Variants in FGGY observed in about 807,000 individuals in gnomAD.
The protein encoded by FGGY is FGGY carbohydrate kinase domain-containing protein.
A neutral mutation model predicts 71.3 loss-of-function variants in FGGY; 72 were observed. That is an observed-to-expected ratio of 1.01 (90% confidence interval 0.84 to 1.23). The LOEUF (loss-of-function observed/expected upper bound fraction) is 1.23. FGGY is among the 50% of genes most tolerant of loss of function. FGGY has a pLI of 0.00. For synonymous variants in FGGY, 251 were observed against 250.3 expected (o/e 1.00, Z -0.02); for missense variants, 668 against 682.3 (o/e 0.98, Z 0.23).
intron 2 of FGGY, among the ~76,000 whole-genome samples, chr1:59,330,367 G>C (rs1225940332): frequency 6.6e-6 from 1 of 152,142 alleles, no homozygotes; most frequent in Non-Finnish European, 1.5e-5. Flanking sequence ...TCAGGAGTTT[G>C]AGACCCGCCT....
chr1:59,520,229 T>G (rs1346099913), intron 7 of FGGY, among the ~76,000 whole-genome samples: 1 of 152,222 alleles, frequency 6.6e-6, no homozygotes, highest in Admixed American at 6.5e-5. Context: ...TGCTGATACA[T>G]TAGTACTTTG....
At chr1:59,536,745 A>G (rs1264391896) in intron 7 of FGGY, among the ~76,000 whole-genome samples, 1 of 152,248 alleles carries the variant, frequency 6.6e-6, no homozygotes, top group Non-Finnish European at 1.5e-5. Context: ...AACCAAAGAC[A>G]AAAACCACAT....
intron 6 of FGGY, among the ~76,000 whole-genome samples, chr1:59,487,707 A>C (rs956169726): frequency 4.6e-5 from 7 of 151,824 alleles, no homozygotes; most frequent in African/African-American, 1.2e-4. Flanking sequence ...GAAATACTTG[A>C]TCTCTTTGGG....
intron 4 of FGGY, among the ~76,000 whole-genome samples, chr1:59,375,743 CTT>C (rs2058558290): frequency 6.6e-6 from 1 of 152,164 alleles, no homozygotes; most frequent in African/African-American, 2.4e-5. Context: ...CCCAGTGTCT[CTT>C]TTTGGCAAAA....
intron 10 of FGGY, among the ~76,000 whole-genome samples, chr1:59,627,503 C>CAT (rs2096870814): frequency 7.0e-6 from 1 of 143,292 alleles, no homozygotes; most frequent in African/African-American, 2.6e-5. Context: ...CACACACACA[C>CAT]ACACACAGCT....
At chr1:59,426,541 G>T (rs2066399193) in intron 5 of FGGY, among the ~76,000 whole-genome samples, 1 of 152,170 alleles carries the variant, frequency 6.6e-6, no homozygotes, top group Non-Finnish European at 1.5e-5. Context: ...AAAAGTGATA[G>T]TGTATTTGAC....
At chr1:59,326,016 A>G (rs1177590510) in intron 2 of FGGY, among the ~76,000 whole-genome samples, 1 of 152,228 alleles carries the variant, frequency 6.6e-6, no homozygotes, top group Non-Finnish European at 1.5e-5. Context: ...TGGAGCCACA[A>G]ATCTTAATCA....
intron 5 of FGGY, among the ~76,000 whole-genome samples, chr1:59,406,758 C>T (rs1414799932): frequency 1.3e-5 from 2 of 152,188 alleles, no homozygotes; most frequent in Admixed American, 1.3e-4. Context: ...ATGTATCTTT[C>T]TCCTTTTCTC....
chr1:59,451,262 A>G (rs887246576), intron 5 of FGGY, among the ~76,000 whole-genome samples: 13 of 151,926 alleles, frequency 8.6e-5, no homozygotes, highest in Non-Finnish European at 1.3e-4. Context: ...CTAAACATGT[A>G]TATGTATTTC....
chr1:59,384,240 A>G (rs1367009570), intron 5 of FGGY, among the ~76,000 whole-genome samples: 5 of 151,896 alleles, frequency 3.3e-5, no homozygotes, highest in Non-Finnish European at 7.4e-5. Context: ...CCCACCCCGT[A>G]CTTGTGAGCA....
intron 14 of FGGY, among the ~76,000 whole-genome samples, chr1:59,727,801 T>A: frequency 6.6e-6 from 1 of 152,138 alleles, no homozygotes; most frequent in East Asian, 1.9e-4. Context: ...CTGCTTTCTT[T>A]AGATTTAAAT....
chr1:59,587,472 G>A (rs1430319685), intron 8 of FGGY, among the ~76,000 whole-genome samples: 2 of 152,162 alleles, frequency 1.3e-5, no homozygotes, highest in Admixed American at 6.5e-5. Context: ...CTGGAGATCT[G>A]AGAACGGGCA....
chr1:59,608,313 C>A (rs748595819), intron 9 of FGGY, among the ~76,000 whole-genome samples: 1 of 152,180 alleles, frequency 6.6e-6, no homozygotes, highest in Non-Finnish European at 1.5e-5. Context: ...TCCAGTCCCA[C>A]ACATGTGCCT....
chr1:59,673,219 G>C (rs576944446), intron 13 of FGGY, among the ~76,000 whole-genome samples: 1 of 152,320 alleles, frequency 6.6e-6, no homozygotes, highest in African/African-American at 2.4e-5. Flanking sequence ...CAGTTAAGGG[G>C]GTAAGGAGTG....
At position 59,618,899 on chromosome 1, in the gene FGGY, T is replaced by C. The variant is rs151067102; in HGVS notation, c.1012-7089T>C. On this transcript the variant is annotated intron_variant, in intron 9 of 15. Coordinates refer to ENST00000303721, the MANE Select transcript of FGGY (RefSeq NM_018291.5). ...TGTGTCCCCAGCATTTCACATCCAC[T>C]AATTATAATTACTTCATGGATACAA... 4.2e-3 allele frequency among the ~76,000 whole-genome samples: 634 copies of C among 152,204 alleles called. 6 individuals carry two copies. The highest frequency in any genetic ancestry group is 0.015 in the African/African-American group (603 of 41,540).
chr1:59,369,741 G>A (rs1225503649), intron 4 of FGGY, among the ~76,000 whole-genome samples: 1 of 152,198 alleles, frequency 6.6e-6, no homozygotes, highest in East Asian at 1.9e-4. Context: ...TCAGACAGCA[G>A]CATTCACGGT....
chr1:59,348,659 G>T (rs1048829967), intron 4 of FGGY, among the ~76,000 whole-genome samples: 15 of 152,162 alleles, frequency 9.9e-5, no homozygotes, highest in African/African-American at 3.4e-4. Context: ...AATGGAGATG[G>T]GGAGAGCTTA....
intron 13 of FGGY, among the ~76,000 whole-genome samples, chr1:59,672,945 C>T (rs2097395706): frequency 6.6e-6 from 1 of 152,156 alleles, no homozygotes; most frequent in African/African-American, 2.4e-5. Context: ...TGGAGGGCTC[C>T]TCCCTGCCTG....
intron 5 of FGGY, among the ~76,000 whole-genome samples, chr1:59,386,185 A>AT (rs1476543766): frequency 7.0e-6 from 1 of 143,570 alleles, no homozygotes; most frequent in Non-Finnish European, 1.5e-5. Flanking sequence ...CTTTATTCCG[A>AT]TTTTTTTAGT....
Sources: gnomAD v4.1 joint callset for allele counts (sites outside exome capture counted in the v4.1 genomes callset) on GRCh38, gnomAD v4.1.1 for gene constraint, MANE v1.5 for transcripts, NCBI Gene and HGNC (gene_info 2026-07-23, HGNC 2026-07-21) for gene names.